NRXN1: variants seen among roughly 807,000 people sequenced by gnomAD.
NRXN1 encodes neurexin-1.
NRXN1 carries 39 observed loss-of-function variants against 150.9 expected under a neutral mutation model. The observed-to-expected ratio is 0.26, with a 90% CI of 0.20 to 0.34. NRXN1 has a LOEUF of 0.34. NRXN1 is among the 10% of genes least tolerant of loss of function. The pLI, the probability that NRXN1 is intolerant of heterozygous loss-of-function variation, is 1.00. For synonymous variants in NRXN1, 924 were observed against 757.0 expected (o/e 1.22, Z -3.62); for missense variants, 1,815 against 1,949.9 (o/e 0.93, Z 1.30).
In NRXN1 at chr2:50,327,984, T is replaced by C. The variant is rs184014145; in HGVS notation, c.3365-91014A>G. ...CTTACATGGCCACTTATTTTTCTTC[T>C]TTTTCTTATATTTTTTATATGTGTA... On this transcript the variant is annotated intron_variant, in intron 17 of 22. Transcript: ENST00000401669. Among the ~76,000 whole-genome samples, 1,069 of 152,276 alleles carry C rather than the reference T, an allele frequency of 7.0e-3. 6 individuals carry two copies. Among genetic ancestry groups the C allele is most frequent in the Non-Finnish European group, 0.011 (717 of 68,028 alleles).
At chr2:50,452,368 T>C (rs747205403) in intron 17 of NRXN1, among the ~76,000 whole-genome samples, 1 of 152,024 alleles carries the variant, frequency 6.6e-6, no homozygotes, top group Non-Finnish European at 1.5e-5. Context: ...AGAGAAAGAA[T>C]ATAGTGACAA....
At chr2:50,538,151 G>C in intron 10 of NRXN1, 102 bp downstream of exon 10, 1 of 1,318,084 alleles carries the variant, frequency 7.6e-7, no homozygotes, top group South Asian at 1.5e-5. Context: ...GTTTACTTCA[G>C]TAGAGTATAC....
intron 17 of NRXN1, among the ~76,000 whole-genome samples, chr2:50,343,376 C>A (rs1322170928): frequency 1.3e-5 from 2 of 152,094 alleles, no homozygotes; most frequent in African/African-American, 4.8e-5. Context: ...CTATTCTGGA[C>A]TCTTGTTGGC....
chr2:50,351,669 AT>A (rs2078422705), intron 17 of NRXN1, among the ~76,000 whole-genome samples: 1 of 151,558 alleles, frequency 6.6e-6, no homozygotes, highest in African/African-American at 2.4e-5. Context: ...ACTAACACTT[AT>A]TTCTAGCACA....
Position 50,281,304 on chromosome 2 carries a change from A to G in NRXN1, c.3365-44334T>C, listed in dbSNP as rs561389449. ...TGCACTCCAGCCTCGGTGACAGAGCAAGACTCCGTCTCAAAAACAATAATA... is the reference window on the plus strand; with the variant it reads ...TGCACTCCAGCCTCGGTGACAGAGCGAGACTCCGTCTCAAAAACAATAATA... On this transcript the variant is annotated intron_variant, in intron 17 of 22. Transcript: ENST00000401669. Among the ~76,000 whole-genome samples, 971 of 146,976 alleles carry G rather than the reference A, an allele frequency of 6.6e-3. 16 individuals are homozygous for G. Among genetic ancestry groups the G allele is most frequent in the African/African-American group, 0.022 (908 of 40,500 alleles).
At chr2:50,992,362 T>C (rs1325783295) in intron 2 of NRXN1, among the ~76,000 whole-genome samples, 1 of 151,988 alleles carries the variant, frequency 6.6e-6, no homozygotes. Flanking sequence ...AATATTTGAA[T>C]GTAAATATTC....
At chr2:50,913,533 T>C (rs761618015) in intron 5 of NRXN1, among the ~76,000 whole-genome samples, 4 of 151,874 alleles carry the variant, frequency 2.6e-5, no homozygotes, top group Non-Finnish European at 5.9e-5. Flanking sequence ...TTTTCTGAAT[T>C]ATCTTATTCA....
chr2:50,176,825 A>G lies in NRXN1; in HGVS notation c.3546+59964T>C, dbSNP rs181317361. Among the ~76,000 whole-genome samples the G allele has an allele frequency of 1.2e-4, 19 of 152,234 alleles. No individual in the cohort carries two copies. In the East Asian group the frequency reaches 3.7e-3, roughly 29 times the overall value. Reference sequence around the variant, plus strand: ...GCTCTGGCTTGCTTTAGTTTGTAACATTAAGGCTCTGTTTCCTAGAAAGTC... The same window carrying G: ...GCTCTGGCTTGCTTTAGTTTGTAACGTTAAGGCTCTGTTTCCTAGAAAGTC... On this transcript the variant is annotated intron_variant, in intron 18 of 22. Transcript: ENST00000401669.
intron 21 of NRXN1, among the ~76,000 whole-genome samples, chr2:50,028,053 G>A (rs942246043): frequency 6.6e-6 from 1 of 151,752 alleles, no homozygotes. Flanking sequence ...GAGAGAGGCT[G>A]TGGAGAAAAA....
intron 17 of NRXN1, among the ~76,000 whole-genome samples, chr2:50,418,687 G>C (rs1572898218): frequency 6.6e-6 from 1 of 151,968 alleles, no homozygotes; most frequent in East Asian, 1.9e-4. Flanking sequence ...ATTCATCCAG[G>C]GATCAAGGGA....
intron 17 of NRXN1, among the ~76,000 whole-genome samples, chr2:50,428,534 T>C (rs1024376952): frequency 1.3e-5 from 2 of 152,274 alleles, no homozygotes; most frequent in Non-Finnish European, 2.9e-5. Flanking sequence ...TGTTCTATTC[T>C]GTAAACTGTC....
In NRXN1 at chr2:51,030,174, G is replaced by T. The variant is rs72828365; in HGVS notation, c.-921-980C>A. ...TTACCTTTTGAAAAAAATTACAAAT[G>T]TATAATCTGTTCATGTCAAGGAAGT... On this transcript the variant is annotated intron_variant, in intron 1 of 22. Transcript: ENST00000401669. 7.4e-3 allele frequency among the ~76,000 whole-genome samples: 1,123 copies of T among 151,950 alleles called. 14 individuals carry two copies. The highest frequency in any genetic ancestry group is 0.012 in the Admixed American group (179 of 15,278).
In NRXN1 at chr2:50,603,828, A is replaced by T. The variant is rs1177054052; in HGVS notation, c.1320+16194T>A. 2.0e-5 allele frequency among the ~76,000 whole-genome samples: 3 copies of T among 152,184 alleles called. No homozygotes were observed. In the East Asian group the frequency reaches 5.8e-4, roughly 29 times the overall value. On this transcript the variant is annotated intron_variant, in intron 8 of 22. Transcript: ENST00000401669. ...TAAAATGCATTGCGTTGCACTCCAC[A>T]TAGACTGGTCAACCTTGATCACTGG...
intron 5 of NRXN1, among the ~76,000 whole-genome samples, chr2:50,788,157 G>T (rs554302190): frequency 4.6e-5 from 7 of 151,332 alleles, no homozygotes; most frequent in Non-Finnish European, 1.0e-4. Flanking sequence ...CGCGATCTTG[G>T]CTCACTGTGA....
In NRXN1 at chr2:50,648,409, T is replaced by G. The variant is rs929090064; in HGVS notation, c.833-24794A>C. On this transcript the variant is annotated intron_variant, in intron 5 of 22. Transcript: ENST00000401669. ...CTGACAAAATTTAAAGCAAAGTATATAAAATGTGTATTTGCAAGCATCTTT... is the reference window on the plus strand; with the variant it reads ...CTGACAAAATTTAAAGCAAAGTATAGAAAATGTGTATTTGCAAGCATCTTT... Among the ~76,000 whole-genome samples the G allele has an allele frequency of 7.9e-5, 12 of 151,976 alleles. 1 individual carries two copies. The highest frequency in any genetic ancestry group is 2.9e-5 in the Non-Finnish European group (2 of 67,986).
At chr2:50,490,399 CT>C (rs1475792348) in intron 15 of NRXN1, among the ~76,000 whole-genome samples, 1 of 152,136 alleles carries the variant, frequency 6.6e-6, no homozygotes, top group Non-Finnish European at 1.5e-5. Flanking sequence ...CTTCTCTTCC[CT>C]TTCAAGTTCA....
intron 18 of NRXN1, among the ~76,000 whole-genome samples, chr2:50,130,034 A>G (rs1574070580): frequency 6.6e-6 from 1 of 152,180 alleles, no homozygotes; most frequent in African/African-American, 2.4e-5. Context: ...TTTTTCTTCC[A>G]TAACTAATAT....
Position 50,982,302 on chromosome 2 carries a change from TA to T in NRXN1, c.772+45199del, listed in dbSNP as rs1696956531. ...ATTTAGTACCAGATATAAATTATTTTAGGCAACTCTTTTACTCTTAGTTTTA... is the reference window on the plus strand; with the variant it reads ...ATTTAGTACCAGATATAAATTATTTTGGCAACTCTTTTACTCTTAGTTTTA... On this transcript the variant is annotated intron_variant, in intron 2 of 22. Transcript: ENST00000401669. Among the ~76,000 whole-genome samples the T allele has an allele frequency of 2.0e-5, 3 of 152,150 alleles. No homozygotes were observed. In the South Asian group the frequency reaches 6.2e-4, roughly 31 times the overall value.
intron 5 of NRXN1, among the ~76,000 whole-genome samples, chr2:50,780,930 G>A (rs1001833998): frequency 8.5e-5 from 13 of 152,244 alleles, no homozygotes; most frequent in Admixed American, 2.6e-4. Context: ...AGGTTTAGGT[G>A]TTTATCCACA....
Sources: allele counts gnomAD v4.1 joint callset (sites outside exome capture counted in the v4.1 genomes callset), GRCh38; gene constraint gnomAD v4.1.1; transcripts MANE v1.5; gene names NCBI Gene and HGNC (gene_info 2026-07-23, HGNC 2026-07-21).